GSDMC: variants seen among roughly 807,000 people sequenced by gnomAD.
GSDMC encodes gasdermin-C.
GSDMC carries 59 observed loss-of-function variants against 58.0 expected under a neutral mutation model. That is an observed-to-expected ratio of 1.02 (90% CI 0.82 to 1.26). The LOEUF (loss-of-function observed/expected upper bound fraction) is 1.26, where lower values mean the gene tolerates loss of function less well. Among genes scored for constraint, GSDMC ranks in the 50% most tolerant of loss-of-function variants. The pLI is 0.00. For missense variants in GSDMC, 659 were observed against 598.5 expected (o/e 1.10, Z -1.06); for synonymous variants, 241 against 220.2 (o/e 1.09, Z -0.83).
In GSDMC at chr8:129,748,618, C is replaced by T; in HGVS notation, c.1410G>A (p.Glu470=). 1.9e-6 allele frequency: 3 copies of T among 1,613,412 alleles called. No individual in the cohort carries two copies. Among genetic ancestry groups the T allele is most frequent in the Non-Finnish European group, 2.5e-6 (3 of 1,179,704 alleles). Residue 470 remains glutamate (E), a synonymous_variant, in exon 14 of 14, where the codon GAG becomes GAA. Transcript: ENST00000276708. The stretch of plus-strand genomic sequence containing the variant: ...TATCCAGCTCCATCCTAAGGCCACA[C>T]TCCTCCAGCAGGCCATAGGTGATGG... ...GLAITYGLLE[E]CGLRMELDNP... is the part of the protein sequence containing the mutation.
intron 11 of GSDMC, 89 bp downstream of exon 11, chr8:129,750,342 T>C: frequency 7.5e-7 from 1 of 1,333,066 alleles, no homozygotes; most frequent in South Asian, 1.4e-5. Context: ...TTGCTTATTC[T>C]TCCTCCTCCA....
At chr8:129,780,147 G>T (rs542786753) in intron 1 of GSDMC, among the ~76,000 whole-genome samples, 1 of 152,236 alleles carries the variant, frequency 6.6e-6, no homozygotes, top group African/African-American at 2.4e-5. Context: ...AAGGGCAATA[G>T]AAAATAGCCT....
chr8:129,706,160 C>G, the GSDMC span, among the ~76,000 whole-genome samples: 5 of 152,132 alleles, frequency 3.3e-5, no homozygotes, highest in Non-Finnish European at 5.9e-5. Context: ...GGAATTGAAA[C>G]TGGTTGATGT....
chr8:129,725,502 G>A, the GSDMC span, among the ~76,000 whole-genome samples: 1 of 152,136 alleles, frequency 6.6e-6, no homozygotes, highest in Non-Finnish European at 1.5e-5. Flanking sequence ...TTTCAAATGT[G>A]TTCGATTGCC....
rs1181698984 is a variant in GSDMC, at chr8:129,777,386, G to T, written c.202C>A (p.Pro68Thr). ...VEFSLNDILE[P>T]SSSVLETVVT... Reference sequence around the variant, plus strand: ...ACAATACCTAGGACTGAAGAACTTGGCTCCAGGATGTCATTGAGGGAGAAT... The same window carrying T: ...ACAATACCTAGGACTGAAGAACTTGTCTCCAGGATGTCATTGAGGGAGAAT... The change falls in exon 2 of 14, where the codon CCA becomes ACA. Residue 68 changes from proline (P) to threonine (T), a missense_variant. Transcript: ENST00000276708. The T allele has an allele frequency of 1.9e-6, 3 of 1,610,576 alleles. No individual in the cohort carries two copies. The highest frequency in any genetic ancestry group is 2.7e-5 in the African/African-American group (2 of 74,830).
intron 3 of GSDMC, among the ~76,000 whole-genome samples, chr8:129,768,554 A>G (rs1443612829): frequency 6.6e-6 from 1 of 152,252 alleles, no homozygotes; most frequent in Non-Finnish European, 1.5e-5. Context: ...TAAAGAATAC[A>G]GTAACTAAAC....
Position 129,748,460 on chromosome 8 carries a change from G to T in GSDMC, c.*41C>A. 3 of 1,558,726 alleles carry T rather than the reference G, an allele frequency of 1.9e-6. No individual in the cohort carries two copies. The highest frequency in any genetic ancestry group is 2.6e-6 in the Non-Finnish European group (3 of 1,154,972). On this transcript the variant is annotated 3_prime_UTR_variant, in exon 14 of 14. Transcript: ENST00000276708. ...AGGACACTCACAGCATAGACTGGGCGAGGGCCAGCATCTCTGGACTGACTG... is the reference window on the plus strand; with the variant it reads ...AGGACACTCACAGCATAGACTGGGCTAGGGCCAGCATCTCTGGACTGACTG...
the GSDMC span, among the ~76,000 whole-genome samples, chr8:129,731,580 G>A: frequency 1.2e-4 from 18 of 152,312 alleles, no homozygotes; most frequent in South Asian, 2.5e-3. Flanking sequence ...CTGATGGTGC[G>A]GGTCCAGTCC....
chr8:129,748,618 C>G lies in GSDMC; in HGVS notation c.1410G>C (p.Glu470Asp), dbSNP rs1406975028. The G allele has an allele frequency of 6.2e-7, 1 of 1,613,294 alleles. No individual in the cohort carries two copies. Among genetic ancestry groups the G allele is most frequent in the African/African-American group, 1.3e-5 (1 of 74,888 alleles). ...GLAITYGLLE[E>D]CGLRMELDNP... ...TATCCAGCTCCATCCTAAGGCCACA[C>G]TCCTCCAGCAGGCCATAGGTGATGG... The change falls in exon 14 of 14, where the codon GAG becomes GAC. Residue 470 changes from glutamate to aspartate, a missense_variant. Glu to Asp is a conservative substitution (Grantham distance 45). Coordinates refer to ENST00000276708, the MANE Select transcript of GSDMC (RefSeq NM_031415.3).
chr8:129,761,130 C>T (rs1029704274), intron 5 of GSDMC, among the ~76,000 whole-genome samples: 10 of 152,138 alleles, frequency 6.6e-5, no homozygotes, highest in East Asian at 1.9e-4. Flanking sequence ...GGGAGAGTGG[C>T]GCTCCTCTAT....
the GSDMC span, chr8:129,729,244 A>G: frequency 1.6e-6 from 1 of 634,552 alleles, no homozygotes; most frequent in East Asian, 3.3e-5. Flanking sequence ...CAAGTGAAAT[A>G]GGTGGACTTA....
the GSDMC span, among the ~76,000 whole-genome samples, chr8:129,731,128 T>TA: frequency 3.3e-5 from 5 of 152,096 alleles, no homozygotes; most frequent in African/African-American, 4.8e-5. Flanking sequence ...AATTTTAATA[T>TA]AAAAAAACTT....
intron 10 of GSDMC, 55 bp downstream of exon 10, chr8:129,751,487 T>C: frequency 6.7e-7 from 1 of 1,490,792 alleles, no homozygotes; most frequent in African/African-American, 1.4e-5. Flanking sequence ...ACTTGGGTGC[T>C]CAGACTTGCA....
chr8:129,780,112 T>C (rs1277621729), intron 1 of GSDMC, among the ~76,000 whole-genome samples: 2 of 152,050 alleles, frequency 1.3e-5, no homozygotes, highest in East Asian at 1.9e-4. Flanking sequence ...TGAAGCATGC[T>C]ACAAGATGTA....
the GSDMC span, among the ~76,000 whole-genome samples, chr8:129,741,978 T>A: frequency 6.8e-6 from 1 of 146,070 alleles, no homozygotes; most frequent in African/African-American, 2.6e-5. Flanking sequence ...AGGATATGCT[T>A]TCATTTGTGA....
the GSDMC span, among the ~76,000 whole-genome samples, chr8:129,721,966 A>G: frequency 2.0e-5 from 3 of 152,300 alleles, no homozygotes; most frequent in African/African-American, 7.2e-5. Context: ...TTAGAGTGGA[A>G]AAGACGGTCC....
chr8:129,765,680 C>T lies in GSDMC; in HGVS notation c.518G>A (p.Ser173Asn). 1 of 1,612,952 alleles carries T rather than the reference C, an allele frequency of 6.2e-7. No individual in the cohort carries two copies. The highest frequency in any genetic ancestry group is 8.5e-7 in the Non-Finnish European group (1 of 1,178,950). The change falls in exon 4 of 14, where the codon AGC becomes AAC. Residue 173 changes from serine to asparagine, a missense_variant. By Grantham distance (46) the Ser-to-Asn change is conservative. Coordinates refer to ENST00000276708, the MANE Select transcript of GSDMC (RefSeq NM_031415.3). ...ELINNTVLYD[S>N]SSVNILGKIA... is the part of the protein sequence containing the mutation. ...TTTCCCTAAAATATTCACACTACTG[C>T]TATCGTACAGCACAGTATTGTTGAT...
At chr8:129,741,097 G>A in the GSDMC span, among the ~76,000 whole-genome samples, 1 of 152,086 alleles carries the variant, frequency 6.6e-6, no homozygotes, top group African/African-American at 2.4e-5. Context: ...TTATTGAAGA[G>A]ATTGTTCTTT....
chr8:129,748,907 G>C (rs2033053261), intron 13 of GSDMC, among the ~76,000 whole-genome samples, 167 bp from the exon 14 acceptor site: 2 of 152,178 alleles, frequency 1.3e-5, no homozygotes, highest in Admixed American at 6.5e-5. Context: ...CAAAGATCAA[G>C]TTATTGGAAA....
Sources: allele counts gnomAD v4.1 joint callset (sites outside exome capture counted in the v4.1 genomes callset), GRCh38; gene constraint gnomAD v4.1.1; transcripts MANE v1.5; gene names NCBI Gene and HGNC (gene_info 2026-07-23, HGNC 2026-07-21).